Variants in PGAP4 observed in about 807,000 individuals in gnomAD.
PGAP4 encodes the protein post-GPI attachment to proteins GalNAc transferase 4.
PGAP4 carries 12 observed loss-of-function variants against 28.2 expected under a neutral mutation model. The observed-to-expected ratio is 0.42, with a 90% CI of 0.27 to 0.69. PGAP4 has a LOEUF of 0.69. Among genes scored for constraint, PGAP4 ranks in the 30% least tolerant of loss-of-function variants. PGAP4 has a pLI of 0.22. For missense variants in PGAP4, 425 were observed against 513.5 expected (o/e 0.83, Z 1.67); for synonymous variants, 205 against 211.8 (o/e 0.97, Z 0.28).
chr9:101,520,932 T>A (rs529892583), intron 2 of PGAP4, among the ~76,000 whole-genome samples: 2 of 152,314 alleles, frequency 1.3e-5, no homozygotes, highest in Non-Finnish European at 2.9e-5. Flanking sequence ...CATAAAGGGA[T>A]CCTGGATTTT....
At chr9:101,508,948 G>C (rs1826873114) in intron 2 of PGAP4, among the ~76,000 whole-genome samples, 1 of 152,146 alleles carries the variant, frequency 6.6e-6, no homozygotes, top group Non-Finnish European at 1.5e-5. Flanking sequence ...GTTAGAAATG[G>C]AAACAGGCTT....
chr9:101,509,522 C>T (rs1280251640), intron 2 of PGAP4, among the ~76,000 whole-genome samples: 1 of 152,092 alleles, frequency 6.6e-6, no homozygotes, highest in East Asian at 1.9e-4. Context: ...AATTCAAAAA[C>T]TCTGGCCAGC....
chr9:101,508,141 T>C (rs1826864857), intron 2 of PGAP4, among the ~76,000 whole-genome samples: 1 of 150,366 alleles, frequency 6.7e-6, no homozygotes, highest in African/African-American at 2.4e-5. Context: ...TTTTTTTTTT[T>C]TTTGGATGGA....
intron 2 of PGAP4, among the ~76,000 whole-genome samples, chr9:101,492,214 G>T (rs562995699): frequency 3.3e-5 from 5 of 149,772 alleles, no homozygotes; most frequent in South Asian, 2.1e-4. Flanking sequence ...TTTTTTTTGA[G>T]ACGGAGTCTC....
At chr9:101,512,732 T>C (rs1826908273) in intron 2 of PGAP4, among the ~76,000 whole-genome samples, 1 of 152,162 alleles carries the variant, frequency 6.6e-6, no homozygotes, top group African/African-American at 2.4e-5. Flanking sequence ...CCACCTAACA[T>C]GAAACTAGAA....
chr9:101,510,041 T>C (rs868272583), intron 2 of PGAP4, among the ~76,000 whole-genome samples: 3 of 152,208 alleles, frequency 2.0e-5, no homozygotes, highest in Admixed American at 6.5e-5. Context: ...AAAACAAGCA[T>C]TGTTGCCTTG....
At chr9:101,495,717 C>G (rs1054548853) in intron 2 of PGAP4, among the ~76,000 whole-genome samples, 12 of 150,144 alleles carry the variant, frequency 8.0e-5, no homozygotes, top group African/African-American at 2.9e-4. Context: ...TTTTTACATC[C>G]ATGTAGCTTT....
chr9:101,495,604 A>G (rs192934913), intron 2 of PGAP4, among the ~76,000 whole-genome samples: 1 of 149,108 alleles, frequency 6.7e-6, no homozygotes, highest in Admixed American at 6.8e-5. Flanking sequence ...GTTGTTTAAA[A>G]CAGAATTACA....
rs1472792163 is a variant in PGAP4, at chr9:101,486,363, G to A, written c.-78+586C>T. Among the ~76,000 whole-genome samples the A allele has an allele frequency of 6.6e-6, 1 of 152,168 alleles. No individual in the cohort carries two copies. The highest frequency in any genetic ancestry group is 1.5e-5 in the Non-Finnish European group (1 of 68,014). The stretch of plus-strand genomic sequence containing the variant: ...TTCTGCTGGTTTTTCCTGGTCCTGG[G>A]AGGGACGCCTTCCTCTGCCCAGTCG... On this transcript the variant is annotated intron_variant, in intron 1 of 1. Transcript: ENST00000374848. The surrounding 1 kb of genome is among the most constrained non-coding windows in gnomAD (Gnocchi z 4.7).
chr9:101,533,480 A>C, upstream of PGAP4: 1 of 152,264 alleles, frequency 6.6e-6, no homozygotes, highest in Non-Finnish European at 1.5e-5. Context: ...GAGGCTAGTC[A>C]TGTCCCCGGA....
chr9:101,491,731 TTAAC>T (rs1188065209), upstream of PGAP4, among the ~76,000 whole-genome samples: 1 of 147,188 alleles, frequency 6.8e-6, no homozygotes, highest in Non-Finnish European at 1.5e-5. Flanking sequence ...ATAAAATACA[TTAAC>T]TATATGTATA....
intron 1 of PGAP4, among the ~76,000 whole-genome samples, chr9:101,484,392 GT>G (rs754360222): frequency 3.9e-5 from 6 of 152,130 alleles, no homozygotes; most frequent in Non-Finnish European, 7.4e-5. Context: ...CTGTGGAAAT[GT>G]TAAGAAGAGA....
rs185866232 is a variant in PGAP4, at chr9:101,483,272, T to C, written c.-78+3677A>G. On this transcript the variant is annotated intron_variant, in intron 1 of 1. Coordinates refer to ENST00000374848, the MANE Select transcript of PGAP4 (RefSeq NM_032342.3). Reference sequence around the variant, plus strand: ...GTCCTCAGCTATAAAATTGGTAGTATCAAAGAGCTGGTCATATACTGTGTA... The same window carrying C: ...GTCCTCAGCTATAAAATTGGTAGTACCAAAGAGCTGGTCATATACTGTGTA... Among the ~76,000 whole-genome samples, 248 of 152,320 alleles carry C rather than the reference T, an allele frequency of 1.6e-3. 1 individual carries two copies. The highest frequency in any genetic ancestry group is 5.6e-3 in the African/African-American group (231 of 41,580).
intron 2 of PGAP4, among the ~76,000 whole-genome samples, chr9:101,508,797 C>T (rs968383085): frequency 6.6e-6 from 1 of 152,148 alleles, no homozygotes; most frequent in Non-Finnish European, 1.5e-5. Context: ...GCCCTGAGCT[C>T]GTTTTCCTGC....
At chr9:101,518,237 A>G (rs1334571401) in intron 2 of PGAP4, among the ~76,000 whole-genome samples, 1 of 152,142 alleles carries the variant, frequency 6.6e-6, no homozygotes, top group Admixed American at 6.5e-5. Flanking sequence ...TGGCTTCATC[A>G]TATTCCATAG....
At position 101,486,333 on chromosome 9, in the gene PGAP4, T is replaced by C. The variant is rs1486669073; in HGVS notation, c.-78+616A>G. Among the ~76,000 whole-genome samples, 1 of 152,166 alleles carries C rather than the reference T, an allele frequency of 6.6e-6. No individual in the cohort carries two copies. The highest frequency in any genetic ancestry group is 1.5e-5 in the Non-Finnish European group (1 of 68,020). ...CTGACCGTCTCCATCGCTGCGCTCC[T>C]TCCCTTCTGCTGGTTTTTCCTGGTC... is the stretch of plus-strand genomic sequence containing the variant. On this transcript the variant is annotated intron_variant, in intron 1 of 1. Coordinates refer to ENST00000374848, the MANE Select transcript of PGAP4 (RefSeq NM_032342.3). The surrounding 1 kb of genome is among the most constrained non-coding windows in gnomAD (Gnocchi z 4.7).
At chr9:101,488,613 C>G (rs185055281), upstream of PGAP4, among the ~76,000 whole-genome samples, 3 of 152,300 alleles carry the variant, frequency 2.0e-5, no homozygotes, top group Non-Finnish European at 4.4e-5. Flanking sequence ...TAGTTATTCA[C>G]TTGTTTAACA....
intron 2 of PGAP4, among the ~76,000 whole-genome samples, chr9:101,493,907 G>A (rs12005425): frequency 0.28 from 42,921 of 151,694 alleles, 6,247 homozygotes; most frequent in East Asian, 0.36. Flanking sequence ...GATCTAGTTC[G>A]GTCTATAGGT....
chr9:101,529,767 AG>A (rs1356646968), intron 2 of PGAP4, among the ~76,000 whole-genome samples: 1 of 152,180 alleles, frequency 6.6e-6, no homozygotes, highest in Admixed American at 6.5e-5. Flanking sequence ...GGACAAGAGG[AG>A]GGGGCTCGTT....
Sources: gnomAD v4.1 joint callset for allele counts (sites outside exome capture counted in the v4.1 genomes callset) on GRCh38, gnomAD v4.1.1 for gene constraint, Gnocchi (gnomAD v3.1) non-coding constraint, MANE v1.5 for transcripts, NCBI Gene and HGNC (gene_info 2026-07-23, HGNC 2026-07-21) for gene names.